The following RCOR3 variants were observed in gnomAD, a reference collection of about 807,000 sequenced individuals.
The protein encoded by RCOR3 is REST corepressor 3.
A neutral mutation model predicts 64.1 loss-of-function variants in RCOR3; 13 were observed. The observed-to-expected ratio is 0.20, with a 90% CI of 0.13 to 0.32. RCOR3 has a LOEUF of 0.32. RCOR3 is among the 10% of genes least tolerant of loss of function. The probability of loss-of-function intolerance (pLI) is 1.00; values close to 1 mark genes in which losing one functional copy is unlikely to be tolerated. For synonymous variants in RCOR3, 215 were observed against 239.0 expected (o/e 0.90, Z 0.93); for missense variants, 489 against 701.2 (o/e 0.70, Z 3.42).
chr1:211,278,331 A>T, intron 6 of RCOR3, 90 bp downstream of exon 6: 1 of 1,334,406 alleles, frequency 7.5e-7, no homozygotes. Flanking sequence ...ATCACAACAC[A>T]TTGTAAATAT....
intron 7 of RCOR3, among the ~76,000 whole-genome samples, chr1:211,281,552 A>G (rs1349082004): frequency 1.3e-5 from 2 of 152,120 alleles, no homozygotes; most frequent in Non-Finnish European, 1.5e-5. Context: ...CAATCCTTAC[A>G]TGGTGTCGTC....
Position 211,295,767 on chromosome 1 carries a change from G to A in RCOR3, c.1017+14G>A, listed in dbSNP as rs915983908. 5 of 1,607,384 alleles carry A rather than the reference G, an allele frequency of 3.1e-6. No individual in the cohort carries two copies. Among genetic ancestry groups the A allele is most frequent in the Non-Finnish European group, 4.3e-6 (5 of 1,174,444 alleles). On this transcript the variant is annotated intron_variant, in intron 9 of 11. Coordinates refer to ENST00000419091, the MANE Select transcript of RCOR3 (RefSeq NM_001136223.3). Reference sequence around the variant, plus strand: ...AAACCTCCTGAGGTATGTTATTGAAGGATACATGTGATTAAGTATAGTGAA... The same window carrying A: ...AAACCTCCTGAGGTATGTTATTGAAAGATACATGTGATTAAGTATAGTGAA...
At position 211,312,389 on chromosome 1, in the gene RCOR3, A is replaced by C; in HGVS notation, c.1076-331A>C. 1 of 481,136 alleles carries C rather than the reference A, an allele frequency of 2.1e-6. No homozygotes were observed. The highest frequency in any genetic ancestry group is 4.1e-6 in the Non-Finnish European group (1 of 243,710). 29.8% of individuals were successfully genotyped at this position (481,136 alleles called of 1,614,324 possible). A position where few individuals can be genotyped will look rare whatever the true frequency, so the allele number is the denominator to read the frequency against. On this transcript the variant is annotated intron_variant, in intron 10 of 11. Transcript: ENST00000419091. The surrounding 1 kb of genome is among the most constrained non-coding windows in gnomAD (Gnocchi z 5.0). The stretch of plus-strand genomic sequence containing the variant: ...TACTAGGGAAATAAATGAATGTGGA[A>C]TTGAGGATGGAACAAAGAATTCAAT...
At chr1:211,261,008 C>T (rs1040692381) in intron 2 of RCOR3, 2 of 152,242 alleles carry the variant, frequency 1.3e-5, no homozygotes, top group Non-Finnish European at 2.9e-5. Context: ...TTGCTGGAGC[C>T]TCTCGGAGTG....
chr1:211,260,610 C>A (rs1694083846), intron 2 of RCOR3, among the ~76,000 whole-genome samples: 1 of 152,228 alleles, frequency 6.6e-6, no homozygotes, highest in African/African-American at 2.4e-5. Context: ...GCGGCTGTCA[C>A]CGGCCGGGGA....
At chr1:211,278,040 A>T in intron 5 of RCOR3, 77 bp from the exon 6 acceptor site, 5 of 1,276,796 alleles carry the variant, frequency 3.9e-6, no homozygotes, top group Non-Finnish European at 5.4e-6. Flanking sequence ...GCCTTTACTA[A>T]ATAGTAAAGA....
chr1:211,311,689 T>C (rs1701500718), intron 10 of RCOR3, among the ~76,000 whole-genome samples: 1 of 152,184 alleles, frequency 6.6e-6, no homozygotes, highest in South Asian at 2.1e-4. Context: ...ATCTCTTTCA[T>C]TAGTGAGTTA....
intron 10 of RCOR3, among the ~76,000 whole-genome samples, chr1:211,304,944 T>C (rs1700716179): frequency 6.6e-6 from 1 of 152,224 alleles, no homozygotes; most frequent in Non-Finnish European, 1.5e-5. Context: ...TCTTCCTGGC[T>C]GAGCACCTCT....
At chr1:211,276,813 C>CG (rs1558060901) in intron 5 of RCOR3, among the ~76,000 whole-genome samples, 1 of 151,918 alleles carries the variant, frequency 6.6e-6, no homozygotes, top group Admixed American at 6.6e-5. Flanking sequence ...TTAGGCCGGG[C>CG]GCGGTGGCTC....
chr1:211,303,998 A>G, intron 9 of RCOR3, 85 bp from the exon 10 acceptor site: 1 of 799,090 alleles, frequency 1.3e-6, no homozygotes, highest in South Asian at 1.9e-5. Context: ...CATGTCTGTG[A>G]TTTGATGAAA....
intron 9 of RCOR3, chr1:211,302,323 A>T (rs1700461378): frequency 6.6e-6 from 1 of 152,258 alleles, no homozygotes; most frequent in Non-Finnish European, 1.5e-5. Flanking sequence ...CAAGAGAATG[A>T]CATTAGTCAC....
At chr1:211,308,925 T>A (rs1423330958) in intron 10 of RCOR3, among the ~76,000 whole-genome samples, 2 of 151,778 alleles carry the variant, frequency 1.3e-5, no homozygotes, top group African/African-American at 4.8e-5. Context: ...TTGGCCAGGC[T>A]GGTCTCGAAC....
intron 7 of RCOR3, among the ~76,000 whole-genome samples, chr1:211,280,672 T>C (rs1697659143): frequency 6.6e-6 from 1 of 152,202 alleles, no homozygotes; most frequent in Non-Finnish European, 1.5e-5. Context: ...AAAAAGTATG[T>C]TCAAGTCTTC....
intron 2 of RCOR3, among the ~76,000 whole-genome samples, chr1:211,266,528 C>T (rs532658979): frequency 2.6e-5 from 4 of 152,214 alleles, no homozygotes; most frequent in South Asian, 4.1e-4. Flanking sequence ...GAACTGATAA[C>T]GCTACTATAG....
At chr1:211,304,447 C>T (rs576662935) in intron 10 of RCOR3, among the ~76,000 whole-genome samples, 26 of 152,244 alleles carry the variant, frequency 1.7e-4, no homozygotes, top group Non-Finnish European at 3.4e-4. Flanking sequence ...CAGTTGGGTT[C>T]GTTCTTACTA....
chr1:211,279,717 T>A (rs771648921), intron 7 of RCOR3, among the ~76,000 whole-genome samples: 3 of 152,216 alleles, frequency 2.0e-5, no homozygotes, highest in Non-Finnish European at 4.4e-5. Context: ...ATTCTCAAAT[T>A]CCTTAATTCC....
intron 3 of RCOR3, chr1:211,271,554 A>G: frequency 1.7e-6 from 1 of 577,568 alleles, no homozygotes; most frequent in Non-Finnish European, 3.3e-6. Flanking sequence ...AAAACCTAGG[A>G]TCTGATGGCA....
chr1:211,260,488 C>T (rs1233397376), intron 2 of RCOR3, among the ~76,000 whole-genome samples: 1 of 152,232 alleles, frequency 6.6e-6, no homozygotes, highest in Non-Finnish European at 1.5e-5. Context: ...AGGCCGCGGG[C>T]TGGAGGAGCA....
At chr1:211,283,538 G>A (rs1698112395) in intron 7 of RCOR3, among the ~76,000 whole-genome samples, 1 of 152,204 alleles carries the variant, frequency 6.6e-6, no homozygotes, top group Non-Finnish European at 1.5e-5. Context: ...CTGGCAATAT[G>A]AGAAGGCATT....
Sources: allele counts gnomAD v4.1 joint callset (sites outside exome capture counted in the v4.1 genomes callset), GRCh38; gene constraint gnomAD v4.1.1; non-coding constraint Gnocchi (gnomAD v3.1); transcripts MANE v1.5; gene names NCBI Gene and HGNC (gene_info 2026-07-23, HGNC 2026-07-21).